TARBP1: variants seen among roughly 807,000 people sequenced by gnomAD.
The protein encoded by TARBP1 is tRNA (guanosine(18)-2'-O)-methyltransferase TARBP1.
In TARBP1, 144 loss-of-function variants were observed where a neutral mutation model predicts 178.6. The ratio of observed to expected loss-of-function variants is 0.81; its 90% CI spans 0.70 to 0.93. TARBP1 has a LOEUF of 0.93. Ranked by LOEUF, TARBP1 falls within the 40% of genes least tolerant of loss-of-function variation. The pLI is 0.00. For missense variants in TARBP1, 2,067 were observed against 2,011.7 expected (o/e 1.03, Z -0.53); for synonymous variants, 787 against 781.0 (o/e 1.01, Z -0.13).
At chr1:234,423,209 A>G (rs1215443802) in intron 20 of TARBP1, among the ~76,000 whole-genome samples, 2 of 152,164 alleles carry the variant, frequency 1.3e-5, no homozygotes, top group African/African-American at 2.4e-5. Context: ...GAGGGCTCCA[A>G]TTTTGCTACA....
At chr1:234,420,441 T>A (rs545193558) in intron 21 of TARBP1, among the ~76,000 whole-genome samples, 1 of 152,120 alleles carries the variant, frequency 6.6e-6, no homozygotes, top group Non-Finnish European at 1.5e-5. Flanking sequence ...ACAGTTAAAA[T>A]GTCACATTAA....
intron 1 of TARBP1, among the ~76,000 whole-genome samples, chr1:234,474,245 AACACACACACAC>A (rs35976593): frequency 3.2e-4 from 26 of 81,558 alleles, no homozygotes; most frequent in African/African-American, 6.4e-4. Context: ...TTGTCTCTAA[AACACACACACAC>A]ACACACACAC....
rs751488401 is a variant in TARBP1 at position 234,392,580 on chromosome 1, TATTC to T, written c.4561-32_4561-29del. On this transcript the variant is annotated intron_variant, in intron 28 of 29. Coordinates refer to ENST00000040877, the MANE Select transcript of TARBP1 (RefSeq NM_005646.4). ...GAATATTAGTTTAAAAAGAACAGAATATTCATTCAGTTATAGCCCTGCTTGGAGT... is the reference window on the plus strand; with the variant it reads ...GAATATTAGTTTAAAAAGAACAGAATATTCAGTTATAGCCCTGCTTGGAGT... 2.3e-5 allele frequency: 37 copies of T among 1,610,180 alleles called. No individual in the cohort carries two copies. The East Asian group carries it at 7.8e-4, about 34-fold the overall frequency.
chr1:234,448,736 C>G (rs1428061241), intron 10 of TARBP1, among the ~76,000 whole-genome samples, 157 bp from the exon 11 acceptor site: 1 of 152,128 alleles, frequency 6.6e-6, no homozygotes, highest in African/African-American at 2.4e-5. Context: ...GAGCATGGCT[C>G]ATTATTATAC....
intron 20 of TARBP1, among the ~76,000 whole-genome samples, chr1:234,422,466 G>A (rs745942212): frequency 2.6e-5 from 4 of 152,160 alleles, no homozygotes; most frequent in Non-Finnish European, 5.9e-5. Flanking sequence ...ATTATGTTCA[G>A]TGAAATAAGC....
chr1:234,478,871 CCG>C lies in TARBP1; in HGVS notation c.231_232del (p.Gly78ThrfsTer44). ...GGGGTCCGGGCCGCCCGCGGGGCGTCCGCGCAGGCTCCGCAGCAGTGGCACGA... is the reference window on the plus strand; with the variant it reads ...GGGGTCCGGGCCGCCCGCGGGGCGTCCGCAGGCTCCGCAGCAGTGGCACGA... On this transcript the variant is annotated frameshift_variant, in exon 1 of 30. Transcript: ENST00000040877. LOFTEE classifies it high-confidence loss of function. The C allele has an allele frequency of 7.8e-7, 1 of 1,289,184 alleles. No individual in the cohort carries two copies. Among genetic ancestry groups the C allele is most frequent in the South Asian group, 2.4e-5 (1 of 41,770 alleles). 79.9% of individuals were successfully genotyped at this position (1,289,184 alleles called of 1,614,324 possible).
chr1:234,476,783 A>G (rs1280022812), intron 1 of TARBP1, among the ~76,000 whole-genome samples: 2 of 152,248 alleles, frequency 1.3e-5, no homozygotes, highest in African/African-American at 4.8e-5. Flanking sequence ...GTCAAGACAT[A>G]GGGGTAAATC....
At chr1:234,453,147 T>C (rs1666951811) in intron 9 of TARBP1, among the ~76,000 whole-genome samples, 1 of 152,140 alleles carries the variant, frequency 6.6e-6, no homozygotes, top group Admixed American at 6.5e-5. Flanking sequence ...GAATGTACAA[T>C]GTGAAGAGTG....
intron 9 of TARBP1, among the ~76,000 whole-genome samples, chr1:234,456,387 G>A (rs1667289477): frequency 6.6e-6 from 1 of 152,210 alleles, no homozygotes; most frequent in Middle Eastern, 3.2e-3. Flanking sequence ...TTTTAGTAGA[G>A]ACGGGGTTTC....
At chr1:234,463,811 T>A (rs778417878) in intron 6 of TARBP1, 26 bp downstream of exon 6, 19 of 1,407,362 alleles carry the variant, frequency 1.4e-5, no homozygotes, top group Admixed American at 2.8e-5. Context: ...AAAGCATTTT[T>A]AAAAAAACCC....
intron 6 of TARBP1, among the ~76,000 whole-genome samples, chr1:234,462,846 T>C (rs1166360762): frequency 6.6e-6 from 1 of 152,202 alleles, no homozygotes; most frequent in Admixed American, 6.5e-5. Context: ...GACGTTTGAA[T>C]AGACATTACC....
At chr1:234,429,761 A>C in intron 15 of TARBP1, 84 bp from the exon 16 acceptor site, 820 of 659,764 alleles carry the variant, frequency 1.2e-3, no homozygotes, top group Non-Finnish European at 1.6e-3. Context: ...TCCTTTCTAA[A>C]GGTGGGGGGG....
intron 1 of TARBP1, among the ~76,000 whole-genome samples, chr1:234,473,136 C>A (rs1669233152): frequency 6.6e-6 from 1 of 152,102 alleles, no homozygotes; most frequent in South Asian, 2.1e-4. Flanking sequence ...TGGGGGCAGA[C>A]AACAGCAATA....
chr1:234,411,719 A>T (rs1661841392), intron 22 of TARBP1, among the ~76,000 whole-genome samples: 1 of 152,170 alleles, frequency 6.6e-6, no homozygotes, highest in African/African-American at 2.4e-5. Flanking sequence ...GTTCAACTGG[A>T]ATCTGGAAAC....
intron 24 of TARBP1, among the ~76,000 whole-genome samples, chr1:234,401,502 T>C (rs568887736): frequency 6.6e-6 from 1 of 152,338 alleles, no homozygotes; most frequent in South Asian, 2.1e-4. Flanking sequence ...AAAACTCTTT[T>C]TTCCAGGAGA....
At position 234,443,034 on chromosome 1, in the gene TARBP1, T is replaced by C. The variant is rs539195685; in HGVS notation, c.2134+3769A>G. 2.6e-5 allele frequency among the ~76,000 whole-genome samples: 4 copies of C among 152,296 alleles called. No individual in the cohort carries two copies. The East Asian group carries it at 7.7e-4, about 29-fold the overall frequency. ...GGCTGGGCACAATGGCTCATGCCTG[T>C]AATCCTAGCACTTTGGGAGGTCGAG... On this transcript the variant is annotated intron_variant, in intron 12 of 29. Transcript: ENST00000040877.
intron 14 of TARBP1, 21 bp downstream of exon 14, chr1:234,433,389 C>T: frequency 6.2e-7 from 1 of 1,608,488 alleles, no homozygotes; most frequent in Non-Finnish European, 8.5e-7. Flanking sequence ...TAACTACAAA[C>T]CTTGAATCAA....
In TARBP1 at chr1:234,467,924, A is replaced by G. The variant is rs561839056; in HGVS notation, c.1100-274T>C. On this transcript the variant is annotated intron_variant, in intron 3 of 29. Coordinates refer to ENST00000040877, the MANE Select transcript of TARBP1 (RefSeq NM_005646.4). ...GTAGTTTCCTAGCAGGACTACAGGT[A>G]TGCAAACCACGCCTAGACAATTTTT... Among the ~76,000 whole-genome samples the G allele has an allele frequency of 8.0e-4, 122 of 152,266 alleles. 1 individual carries two copies. The highest frequency in any genetic ancestry group is 6.8e-3 in the Middle Eastern group (2 of 294).
At position 234,479,064 on chromosome 1, in the gene TARBP1, G is replaced by A. The variant is rs369801899; in HGVS notation, c.40C>T (p.Arg14Trp). The A allele has an allele frequency of 1.8e-5, 28 of 1,539,574 alleles. No homozygotes were observed. Among genetic ancestry groups the A allele is most frequent in the Non-Finnish European group, 2.3e-5 (27 of 1,156,194 alleles). The change falls in exon 1 of 30, where the codon CGG becomes TGG. Residue 14 changes from arginine (R) to tryptophan (W), a missense_variant. Transcript: ENST00000040877. ...GCCCCAAGCAGGGCCCGGGGGTCCCGGCTCTGCGAGAGCAGCGCTTCCGCG... is the reference window on the plus strand; with the variant it reads ...GCCCCAAGCAGGGCCCGGGGGTCCCAGCTCTGCGAGAGCAGCGCTTCCGCG... ...VLAEALLSQS[R>W]DPRALLGALC...
Sources: allele counts gnomAD v4.1 joint callset (sites outside exome capture counted in the v4.1 genomes callset), GRCh38; gene constraint gnomAD v4.1.1; transcripts MANE v1.5; gene names NCBI Gene and HGNC (gene_info 2026-07-23, HGNC 2026-07-21).